Variants in GJD2 observed in about 807,000 individuals in gnomAD.
GJD2 encodes gap junction protein delta 2, also known as gap junction delta-2 protein.
A neutral mutation model predicts 24.3 loss-of-function variants in GJD2; 12 were observed. The ratio of observed to expected loss-of-function variants is 0.49; its 90% confidence interval spans 0.32 to 0.80. GJD2 has a LOEUF of 0.80. Ranked by LOEUF, GJD2 falls within the 30% of genes least tolerant of loss-of-function variation. GJD2 has a pLI of 0.04. For synonymous variants in GJD2, 171 were observed against 155.2 expected, an observed-to-expected ratio of 1.10 and a Z score of -0.76; for missense variants, 268 against 402.4, an observed-to-expected ratio of 0.67 and a Z score of 2.86.
Position 34,754,584 on chromosome 15 carries a change from G to C in GJD2, c.-96C>G. 3.3e-6 allele frequency: 3 copies of C among 915,390 alleles called. No individual in the cohort carries two copies. Among genetic ancestry groups the C allele is most frequent in the Non-Finnish European group, 5.4e-6 (3 of 552,770 alleles). The allele number at this position is 915,390 out of a possible 1,614,324, so 56.7% of individuals were successfully genotyped here. ...CGGGCCGCACTTCCAGAATGGGAGT[G>C]AATTGCCTCCCAATTAAAGAAGCAA... On this transcript the variant is annotated 5_prime_UTR_variant, in exon 1 of 2. Transcript: ENST00000290374. The surrounding 1 kb of genome is among the most constrained non-coding windows in gnomAD (Gnocchi z 5.9).
intron 1 of GJD2, 122 bp from the exon 2 acceptor site, chr15:34,753,494 C>T (rs1010970165): frequency 3.7e-6 from 3 of 820,622 alleles, no homozygotes; most frequent in Middle Eastern, 2.7e-4. Flanking sequence ...CTGTCCATCC[C>T]GGGCTGGTAC....
rs1891155149 is a variant in GJD2, at chr15:34,754,394, T to C, written c.71+24A>G. On this transcript the variant is annotated intron_variant, in intron 1 of 1. Transcript: ENST00000290374. The surrounding 1 kb of genome is among the most constrained non-coding windows in gnomAD (Gnocchi z 5.9). ...CCGGGGGCCGCCCGACGGGGCCCCC[T>C]GACCGCCGGCTTGGCGCCCTTACCT... 6.2e-7 allele frequency: 1 copy of C among 1,604,896 alleles called. No homozygotes were observed. The highest frequency in any genetic ancestry group is 1.7e-5 in the Admixed American group (1 of 59,974).
In GJD2 at chr15:34,753,111, T is replaced by A. The variant is rs651724; in HGVS notation, c.333A>T (p.Thr111=). The A allele has an allele frequency of 0.68, 1,096,326 of 1,613,752 alleles. 375,369 individuals are homozygous for A. Among genetic ancestry groups the A allele is most frequent in the Non-Finnish European group, 0.7 (825,771 of 1,179,916 alleles). ...SAKQRERRYS[T]VFLALDRDPP... ...GGTCTCTGTCCAGGGCTAGGAAGAC[T>A]GTAGAGTAGCGGCGTTCTCGCTGCT... Residue 111 remains threonine (T), a synonymous_variant, in exon 2 of 2, where the codon ACA becomes ACT. Transcript: ENST00000290374.
In GJD2 at chr15:34,752,554, A is replaced by T; in HGVS notation, c.890T>A (p.Ile297Asn). The T allele has an allele frequency of 6.2e-7, 1 of 1,614,126 alleles. No individual in the cohort carries two copies. Among genetic ancestry groups the T allele is most frequent in the South Asian group, 1.1e-5 (1 of 91,074 alleles). Residue 297 changes from isoleucine (I) to asparagine (N), a missense_variant, in exon 2 of 2, where the codon ATT becomes AAT. Ile to Asn is a moderately radical substitution (Grantham distance 149). Coordinates refer to ENST00000290374, the MANE Select transcript of GJD2 (RefSeq NM_020660.3). The stretch of plus-strand genomic sequence containing the variant: ...GACCCTTGGCAGGTCCTTGTTACGA[A>T]TCTCATAGATTGACTTTCTCTTGGC... The part of the protein sequence containing the change: ...AQAKRKSIYE[I>N]RNKDLPRVSV...
Position 34,753,099 on chromosome 15 carries a change from G to C in GJD2, c.345C>G (p.Ala115=), listed in dbSNP as rs1891131258. Residue 115 remains alanine, a synonymous_variant, in exon 2 of 2, where the codon GCC becomes GCG. Transcript: ENST00000290374. ...RERRYSTVFL[A]LDRDPPESIG... The stretch of plus-strand genomic sequence containing the variant: ...TGGACTCAGGGGGGTCTCTGTCCAG[G>C]GCTAGGAAGACTGTAGAGTAGCGGC... 2.5e-6 allele frequency: 4 copies of C among 1,614,078 alleles called. 1 individual carries two copies. The South Asian group carries it at 4.4e-5, about 18-fold the overall frequency.
In GJD2 at chr15:34,754,293, T is replaced by C. The variant is rs1487150071; in HGVS notation, c.71+125A>G. 1 of 722,910 alleles carries C rather than the reference T, an allele frequency of 1.4e-6. No homozygotes were observed. Among genetic ancestry groups the C allele is most frequent in the African/African-American group, 1.7e-5 (1 of 57,146 alleles). The allele number at this position is 722,910 out of a possible 1,614,324, so 44.8% of individuals were successfully genotyped here. ...CGCCGGGAACACCGGAGCCTTGACC[T>C]AGGACGATGGGGAGGAGGCAGAGGA... On this transcript the variant is annotated intron_variant, in intron 1 of 1. Transcript: ENST00000290374. This position sits in a 1 kb window ranked among gnomAD's most constrained non-coding sequence, Gnocchi z 5.9.
At chr15:34,753,652 C>A (rs565758160) in intron 1 of GJD2, among the ~76,000 whole-genome samples, 2 of 152,070 alleles carry the variant, frequency 1.3e-5, no homozygotes, top group Non-Finnish European at 2.9e-5. Context: ...TTTCATCTCT[C>A]TATATAGAAT....
rs1891114632 is a variant in GJD2, at chr15:34,752,274, G to A, written c.*204C>T. ...ATCCATTTCATCACTCTACCCAATC[G>A]TCTCTGTAGAACCAATTAGGTGATA... On this transcript the variant is annotated 3_prime_UTR_variant, in exon 2 of 2. Transcript: ENST00000290374. 6.9e-6 allele frequency: 4 copies of A among 583,722 alleles called. No individual in the cohort carries two copies. Among genetic ancestry groups the A allele is most frequent in the Admixed American group, 6.0e-5 (2 of 33,458 alleles). The allele number at this position is 583,722 out of a possible 1,614,324, so 36.2% of individuals were successfully genotyped here. A position where few individuals can be genotyped will look rare whatever the true frequency, so the allele number is the denominator to read the frequency against.
In GJD2 at chr15:34,754,398, C is replaced by T. The variant is rs746975619; in HGVS notation, c.71+20G>A. 1.9e-6 allele frequency: 3 copies of T among 1,608,936 alleles called. No individual in the cohort carries two copies. Among genetic ancestry groups the T allele is most frequent in the Admixed American group, 3.3e-5 (2 of 60,010 alleles). ...GGGCCGCCCGACGGGGCCCCCTGACCGCCGGCTTGGCGCCCTTACCTCCCG... is the reference window on the plus strand; with the variant it reads ...GGGCCGCCCGACGGGGCCCCCTGACTGCCGGCTTGGCGCCCTTACCTCCCG... On this transcript the variant is annotated intron_variant, in intron 1 of 1. Transcript: ENST00000290374. This position sits in a 1 kb window ranked among gnomAD's most constrained non-coding sequence, Gnocchi z 5.9.
chr15:34,752,360 C>G lies in GJD2; in HGVS notation c.*118G>C, dbSNP rs1891115279. ...GGTGCAAAATCTTCTTTTATCCAGT[C>G]TTATCCTACATCTTAATGGTGAGGG... On this transcript the variant is annotated 3_prime_UTR_variant, in exon 2 of 2. Transcript: ENST00000290374. 1.2e-6 allele frequency: 1 copy of G among 845,166 alleles called. No homozygotes were observed. Among genetic ancestry groups the G allele is most frequent in the Non-Finnish European group, 1.8e-6 (1 of 545,188 alleles). The allele number at this position is 845,166 out of a possible 1,614,324, so 52.4% of individuals were successfully genotyped here.
chr15:34,752,537 G>A lies in GJD2; in HGVS notation c.907C>T (p.Pro303Ser), dbSNP rs1448836428. ...CCAAAATTGGGAACACTGACCCTTGGCAGGTCCTTGTTACGAATCTCATAG... is the reference window on the plus strand; with the variant it reads ...CCAAAATTGGGAACACTGACCCTTGACAGGTCCTTGTTACGAATCTCATAG... ...SIYEIRNKDL[P>S]RVSVPNFGRT... The change falls in exon 2 of 2, where the codon CCA (proline) becomes TCA (serine). Residue 303 changes from proline (P) to serine (S), a missense_variant. Around this residue, in one of 3 missense-constraint regions of GJD2, gnomAD observed 115 missense variants for 195.2 expected, o/e 0.59. Transcript: ENST00000290374. 5.6e-6 allele frequency: 9 copies of A among 1,614,018 alleles called. No individual in the cohort carries two copies. Among genetic ancestry groups the A allele is most frequent in the African/African-American group, 2.7e-5 (2 of 74,906 alleles).
At position 34,752,450 on chromosome 15, in the gene GJD2, C is replaced by T. The variant is rs751078368; in HGVS notation, c.*28G>A. 2 of 1,595,598 alleles carry T rather than the reference C, an allele frequency of 1.3e-6. No homozygotes were observed. Among genetic ancestry groups the T allele is most frequent in the East Asian group, 2.2e-5 (1 of 44,646 alleles). On this transcript the variant is annotated 3_prime_UTR_variant, in exon 2 of 2. Coordinates refer to ENST00000290374, the MANE Select transcript of GJD2 (RefSeq NM_020660.3). ...CATCTGCCTTGGGGCTCCTTGCCAT[C>T]CCCCAGACCTTCATGAAACCTGCCC...
chr15:34,753,440 CTCCCT>C (rs2140414461), intron 1 of GJD2, 68 bp from the exon 2 acceptor site: 1 of 1,400,356 alleles, frequency 7.1e-7, no homozygotes. Context: ...ACCCCTGCTC[CTCCCT>C]TCCCTTTGCT....
In GJD2 at chr15:34,753,390, G is replaced by A; in HGVS notation, c.72-18C>T. The A allele has an allele frequency of 6.4e-7, 1 of 1,572,130 alleles. No homozygotes were observed. The highest frequency in any genetic ancestry group is 8.6e-7 in the Non-Finnish European group (1 of 1,160,256). Reference sequence around the variant, plus strand: ...ACAGGATCCTGAACGGAGGAAGAGGGAGGGAGAGAGGTTCTCACGGGCTGC... The same window carrying A: ...ACAGGATCCTGAACGGAGGAAGAGGAAGGGAGAGAGGTTCTCACGGGCTGC... On this transcript the variant is annotated intron_variant, in intron 1 of 1. Transcript: ENST00000290374.
chr15:34,753,423 A>T, intron 1 of GJD2, 51 bp from the exon 2 acceptor site: 1 of 1,503,560 alleles, frequency 6.7e-7, no homozygotes, highest in Non-Finnish European at 9.0e-7. Flanking sequence ...TGCGTCACTG[A>T]CAGGAAACCC....
In GJD2 at chr15:34,752,802, C is replaced by A. The variant is rs757044248; in HGVS notation, c.642G>T (p.Leu214=). 1.2e-6 allele frequency: 2 copies of A among 1,614,156 alleles called. No individual in the cohort carries two copies. The highest frequency in any genetic ancestry group is 1.7e-6 in the Non-Finnish European group (2 of 1,180,018). Residue 214 remains leucine, a synonymous_variant, in exon 2 of 2, where the codon CTG becomes CTT. Transcript: ENST00000290374. Reference sequence around the variant, plus strand: ...AGCCATAGAGAAAATATTGGCCAACCAGGAACCCAATTTCCAGGGCATTTC... The same window carrying A: ...AGCCATAGAGAAAATATTGGCCAACAAGGAACCCAATTTCCAGGGCATTTC... ...VFRNALEIGF[L]VGQYFLYGFS...
At position 34,752,828 on chromosome 15, in the gene GJD2, G is replaced by C; in HGVS notation, c.616C>G (p.Arg206Gly). The change falls in exon 2 of 2, where the codon CGA (arginine) becomes GGA (glycine). Residue 206 changes from arginine (R) to glycine (G), a missense_variant. Arg to Gly is a moderately radical substitution (Grantham distance 125). Coordinates refer to ENST00000290374, the MANE Select transcript of GJD2 (RefSeq NM_020660.3). ...SRFYIIQVVFRNALEIGFLVG... is the reference protein window; with the variant it reads ...SRFYIIQVVFGNALEIGFLVG... ...AGGAACCCAATTTCCAGGGCATTTC[G>C]GAACACCACTTGGATAATGTAGAAG... is the stretch of plus-strand genomic sequence containing the variant. The C allele has an allele frequency of 6.2e-7, 1 of 1,614,090 alleles. No individual in the cohort carries two copies.
rs201623529 is a variant in GJD2, at chr15:34,752,899, C to T, written c.545G>A (p.Arg182His). 74 of 1,613,980 alleles carry T rather than the reference C, an allele frequency of 4.6e-5. No individual in the cohort carries two copies. Among genetic ancestry groups the T allele is most frequent in the Non-Finnish European group, 5.8e-5 (68 of 1,180,008 alleles). The change falls in exon 2 of 2, where the codon CGC becomes CAC. Residue 182 changes from arginine (R) to histidine (H), a missense_variant. Arg to His is a conservative substitution (Grantham distance 29). This residue lies in a region of GJD2 where 115 missense variants were observed against 195.2 expected (regional missense o/e 0.59). Coordinates refer to ENST00000290374, the MANE Select transcript of GJD2 (RefSeq NM_020660.3). ...KELTPHPSGL[R>H]TASKSKLRRQ... is the part of the protein sequence containing the mutation. ...TCTGAGCTTGGATTTTGATGCAGTG[C>T]GTAGACCTGATGGGTGTGGAGTCAG...
chr15:34,753,401 G>A, intron 1 of GJD2, 29 bp from the exon 2 acceptor site: 1 of 1,549,166 alleles, frequency 6.5e-7, no homozygotes, highest in Non-Finnish European at 8.7e-7. Flanking sequence ...AGGGAGAGAG[G>A]TTCTCACGGG....
Sources: allele counts gnomAD v4.1 joint callset (sites outside exome capture counted in the v4.1 genomes callset), GRCh38; gene constraint gnomAD v4.1.1; regional missense constraint gnomAD v4.1.1; non-coding constraint Gnocchi (gnomAD v3.1); transcripts MANE v1.5; gene names NCBI Gene and HGNC (gene_info 2026-07-23, HGNC 2026-07-21).